The following SUZ12 variants were observed in gnomAD, a reference collection of about 807,000 sequenced individuals.
The protein encoded by SUZ12 is SUZ12 polycomb repressive complex 2 subunit, also known as polycomb protein SUZ12.
In SUZ12, 17 loss-of-function variants were observed where a neutral mutation model predicts 87.3. That is an observed-to-expected ratio of 0.19 (90% CI 0.13 to 0.29). The LOEUF (loss-of-function observed/expected upper bound fraction) is 0.29, where lower values mean the gene tolerates loss of function less well. Ranked by LOEUF, SUZ12 falls within the 10% of genes least tolerant of loss-of-function variation. SUZ12 has a pLI of 1.00. For missense variants in SUZ12, 526 were observed against 912.2 expected, an observed-to-expected ratio of 0.58 and a Z score of 5.45; for synonymous variants, 253 against 312.4, an observed-to-expected ratio of 0.81 and a Z score of 2.01.
Position 31,999,019 on chromosome 17 carries a change from T to A in SUZ12, c.*16T>A. 6.7e-7 allele frequency: 1 copy of A among 1,503,492 alleles called. No homozygotes were observed. The highest frequency in any genetic ancestry group is 1.4e-5 in the South Asian group (1 of 71,696). The allele number at this position is 1,503,492 out of a possible 1,614,324, so 93.1% of individuals were successfully genotyped here. A position where few individuals can be genotyped will look rare whatever the true frequency, so the allele number is the denominator to read the frequency against. Reference sequence around the variant, plus strand: ...AAAACTCTGAAAAGCTCTAACCCCATGTTATGGACAAACACTGAAATTACA... The same window carrying A: ...AAAACTCTGAAAAGCTCTAACCCCAAGTTATGGACAAACACTGAAATTACA... On this transcript the variant is annotated 3_prime_UTR_variant, in exon 16 of 16. Coordinates refer to ENST00000322652, the MANE Select transcript of SUZ12 (RefSeq NM_015355.4).
At chr17:31,979,130 T>TAAAG (rs1567830380) in intron 8 of SUZ12, among the ~76,000 whole-genome samples, 4 of 116,092 alleles carry the variant, frequency 3.4e-5, no homozygotes, top group Admixed American at 1.0e-4. Flanking sequence ...AAAAAAGAAT[T>TAAAG]CAAAACGATA....
At chr17:31,938,158 C>G (rs35675282) in intron 1 of SUZ12, among the ~76,000 whole-genome samples, 3,978 of 152,200 alleles carry the variant, frequency 0.026, 79 homozygotes, top group Non-Finnish European at 0.041. Context: ...CATTTTCTTG[C>G]GTCAATTTCT....
In SUZ12 at chr17:31,941,663, C is replaced by T. The variant is rs546125235; in HGVS notation, c.386+1177C>T. Reference sequence around the variant, plus strand: ...CTCCCAGATTCAAGAGATTCTCCTCCTTCAGCCTCCTTAGTAGCTTGGACT... The same window carrying T: ...CTCCCAGATTCAAGAGATTCTCCTCTTTCAGCCTCCTTAGTAGCTTGGACT... On this transcript the variant is annotated intron_variant, in intron 3 of 15. Transcript: ENST00000322652. 5.4e-4 allele frequency among the ~76,000 whole-genome samples: 82 copies of T among 151,878 alleles called. 2 individuals are homozygous for T. In the South Asian group the frequency reaches 0.017, roughly 31 times the overall value.
Position 31,950,113 on chromosome 17 carries a change from A to G in SUZ12, c.455+2428A>G, listed in dbSNP as rs148516766. On this transcript the variant is annotated intron_variant, in intron 4 of 15. Coordinates refer to ENST00000322652, the MANE Select transcript of SUZ12 (RefSeq NM_015355.4). ...CGTGTTCTCCTGCCTCAGCCTCCCA[A>G]GTAGCAGGGATTACAGGTGCCCGGC... is the stretch of plus-strand genomic sequence containing the variant. Among the ~76,000 whole-genome samples, 708 of 152,054 alleles carry G rather than the reference A, an allele frequency of 4.7e-3. 11 individuals carry two copies. The highest frequency in any genetic ancestry group is 0.016 in the African/African-American group (680 of 41,492).
chr17:32,000,891 T>G lies in SUZ12; in HGVS notation c.*1888T>G, dbSNP rs537084694. On this transcript the variant is annotated 3_prime_UTR_variant, in exon 16 of 16. Transcript: ENST00000322652. ...TTCTATATGTACCCTTGATAACAGA[T>G]TTTGAAGAAATCCTGTAAGATGATA... 4.5e-6 allele frequency: 1 copy of G among 222,094 alleles called. No homozygotes were observed. Among genetic ancestry groups the G allele is most frequent in the Non-Finnish European group, 9.0e-6 (1 of 110,956 alleles). The allele number at this position is 222,094 out of a possible 1,614,324, so 13.8% of individuals were successfully genotyped here. A position where few individuals can be genotyped will look rare whatever the true frequency, so the allele number is the denominator to read the frequency against.
intron 10 of SUZ12, among the ~76,000 whole-genome samples, chr17:31,991,065 G>T (rs1295341631): frequency 6.6e-6 from 1 of 152,190 alleles, no homozygotes; most frequent in African/African-American, 2.4e-5. Context: ...TCATTTTTGT[G>T]TCTGTCCAGT....
Position 31,998,985 on chromosome 17 carries a change from CA to C in SUZ12, c.2208del (p.Lys736AsnfsTer8). 2 of 1,546,348 alleles carry C rather than the reference CA, an allele frequency of 1.3e-6. No homozygotes were observed. Among genetic ancestry groups the C allele is most frequent in the East Asian group, 2.3e-5 (1 of 44,074 alleles). On this transcript the variant is annotated frameshift_variant, in exon 16 of 16. Coordinates refer to ENST00000322652, the MANE Select transcript of SUZ12 (RefSeq NM_015355.4). LOFTEE classifies it high-confidence loss of function. The part of the protein sequence containing the change: ...DSVSGVSKQS[K>X]KQKL ...GTGTCTCAGGGGTTTCAAAACAGAG[CA>C]AAAAACAAAAACTCTGAAAAGCTCT...
chr17:31,957,140 G>C (rs1314419876), intron 4 of SUZ12, among the ~76,000 whole-genome samples: 1 of 152,118 alleles, frequency 6.6e-6, no homozygotes, highest in East Asian at 1.9e-4. Context: ...GGAGTGCAGT[G>C]GCACGATCAC....
intron 1 of SUZ12, among the ~76,000 whole-genome samples, chr17:31,938,180 C>G (rs564797074): frequency 5.3e-5 from 8 of 152,176 alleles, no homozygotes; most frequent in Admixed American, 2.6e-4. Context: ...TTTCTAAGTT[C>G]TGTCTGGAAG....
intron 4 of SUZ12, among the ~76,000 whole-genome samples, chr17:31,963,106 A>T (rs1262602081): frequency 6.6e-6 from 1 of 152,244 alleles, no homozygotes; most frequent in Non-Finnish European, 1.5e-5. Context: ...TGAATTGCTT[A>T]TACAGAATAG....
chr17:31,943,152 A>G (rs550772631), intron 3 of SUZ12, among the ~76,000 whole-genome samples: 2 of 152,362 alleles, frequency 1.3e-5, no homozygotes, highest in African/African-American at 4.8e-5. Flanking sequence ...CTGAGCACCT[A>G]AGTAACTAAA....
intron 4 of SUZ12, among the ~76,000 whole-genome samples, chr17:31,959,374 A>G (rs1355102789): frequency 6.6e-6 from 1 of 152,228 alleles, no homozygotes; most frequent in African/African-American, 2.4e-5. Flanking sequence ...GTACTTCTGC[A>G]GAGTGATCCA....
intron 4 of SUZ12, among the ~76,000 whole-genome samples, chr17:31,961,417 G>T (rs767876136): frequency 1.7e-4 from 26 of 152,014 alleles, no homozygotes; most frequent in Non-Finnish European, 3.4e-4. Flanking sequence ...CATGGTGGCG[G>T]ACACCTGTAA....
At chr17:31,987,342 C>T (rs1164699460) in intron 9 of SUZ12, among the ~76,000 whole-genome samples, 2 of 152,162 alleles carry the variant, frequency 1.3e-5, no homozygotes, top group East Asian at 3.8e-4. Flanking sequence ...TACGAGTTTA[C>T]AGTTCAAGTG....
At chr17:31,951,861 G>A (rs1385076695) in intron 4 of SUZ12, among the ~76,000 whole-genome samples, 2 of 147,764 alleles carry the variant, frequency 1.4e-5, no homozygotes, top group African/African-American at 2.5e-5. Context: ...TGCAACCTCT[G>A]TCCCCCAGGT....
chr17:31,979,380 TAC>T (rs1343296633), intron 8 of SUZ12, among the ~76,000 whole-genome samples: 2 of 152,318 alleles, frequency 1.3e-5, no homozygotes, highest in East Asian at 3.9e-4. Context: ...AAAATACAAA[TAC>T]AATACTATCT....
In SUZ12 at chr17:31,976,206, A is replaced by G. The variant is rs553011523; in HGVS notation, c.824-315A>G. ...AGTTCAGCAGAGAAACACGTTGGAA[A>G]AAATAATCTTTGACTCGAAGTATTG... On this transcript the variant is annotated intron_variant, in intron 7 of 15. Transcript: ENST00000322652. Among the ~76,000 whole-genome samples the G allele has an allele frequency of 2.0e-5, 3 of 152,356 alleles. 1 individual carries two copies. The highest frequency in any genetic ancestry group is 4.8e-5 in the African/African-American group (2 of 41,576).
Position 31,996,866 on chromosome 17 carries a change from C to A in SUZ12, c.1863C>A (p.Val621=). 3 of 1,530,882 alleles carry A rather than the reference C, an allele frequency of 2.0e-6. No homozygotes were observed. Among genetic ancestry groups the A allele is most frequent in the South Asian group, 2.7e-5 (2 of 74,952 alleles). The allele number at this position is 1,530,882 out of a possible 1,614,324, so 94.8% of individuals were successfully genotyped here. A position where few individuals can be genotyped will look rare whatever the true frequency, so the allele number is the denominator to read the frequency against. Residue 621 remains valine (V), a synonymous_variant, in exon 15 of 16, where the codon GTC becomes GTA. Transcript: ENST00000322652. ...TGATGAAACTCTGGAATCTCCATGT[C>A]ATGAAGCATGGGTAGGGTATTTCTA... The part of the protein sequence containing the change: ...KEVMKLWNLH[V]MKHGFIADNQ...
At chr17:31,979,902 T>C (rs1238259332) in intron 8 of SUZ12, among the ~76,000 whole-genome samples, 1 of 152,166 alleles carries the variant, frequency 6.6e-6, no homozygotes, top group Non-Finnish European at 1.5e-5. Flanking sequence ...AAAATGGTAA[T>C]TTTCTAACAT....
Sources: gnomAD v4.1 joint callset for allele counts (sites outside exome capture counted in the v4.1 genomes callset) on GRCh38, gnomAD v4.1.1 for gene constraint, MANE v1.5 for transcripts, NCBI Gene and HGNC (gene_info 2026-07-23, HGNC 2026-07-21) for gene names.